The following ADNP variants were observed in gnomAD, a reference collection of about 807,000 sequenced individuals.
The protein encoded by ADNP is activity dependent neuroprotector homeobox, also known as activity-dependent neuroprotector homeobox protein.
Under a neutral mutation model 84.9 loss-of-function variants are expected in ADNP, and 4 were observed. The observed-to-expected ratio is 0.05, with a 90% CI of 0.02 to 0.11. The LOEUF is 0.11. Ranked by LOEUF, ADNP falls within the 10% of genes least tolerant of loss-of-function variation. ADNP has a pLI of 1.00. For synonymous variants in ADNP, 554 were observed against 468.1 expected, an observed-to-expected ratio of 1.18 and a Z score of -2.37; for missense variants, 1,132 against 1,326.0, an observed-to-expected ratio of 0.85 and a Z score of 2.27.
chr20:50,923,118 T>C (rs895753427), intron 2 of ADNP, among the ~76,000 whole-genome samples: 3 of 152,158 alleles, frequency 2.0e-5, no homozygotes, highest in African/African-American at 7.2e-5. Context: ...ATGGGTGTTA[T>C]GAGCCAGGAA....
intron 2 of ADNP, among the ~76,000 whole-genome samples, chr20:50,906,616 C>G (rs1362693264): frequency 6.6e-6 from 1 of 152,156 alleles, no homozygotes; most frequent in Non-Finnish European, 1.5e-5. Context: ...AAGAATCAAG[C>G]GGCAGCTTGG....
At chr20:50,916,479 A>T (rs1268609794) in intron 2 of ADNP, among the ~76,000 whole-genome samples, 2 of 152,182 alleles carry the variant, frequency 1.3e-5, no homozygotes, top group Non-Finnish European at 2.9e-5. Flanking sequence ...AACCAGGATC[A>T]GTTCTTCTCA....
chr20:50,925,897 T>A (rs1326377880), intron 2 of ADNP, among the ~76,000 whole-genome samples: 1 of 152,224 alleles, frequency 6.6e-6, no homozygotes, highest in Non-Finnish European at 1.5e-5. Context: ...GGTCAGCAGT[T>A]CAAGACCAGC....
intron 1 of ADNP, 51 bp from the exon 2 acceptor site, chr20:50,928,876 G>A (rs1365911335): frequency 6.6e-6 from 1 of 152,222 alleles, no homozygotes; most frequent in Admixed American, 6.5e-5. Flanking sequence ...CACACCCTAA[G>A]AAGGTGGGTG....
At chr20:50,927,935 G>A (rs546808527) in intron 2 of ADNP, among the ~76,000 whole-genome samples, 117 of 152,200 alleles carry the variant, frequency 7.7e-4, no homozygotes, top group African/African-American at 2.7e-3. Context: ...TTAAATAACT[G>A]CATATAAAAC....
At chr20:50,921,345 T>C (rs2122975860) in intron 2 of ADNP, among the ~76,000 whole-genome samples, 1 of 152,342 alleles carries the variant, frequency 6.6e-6, no homozygotes, top group Non-Finnish European at 1.5e-5. Context: ...ATACTCAGGT[T>C]TGCATATTCT....
At chr20:50,914,659 C>A (rs542930193) in intron 2 of ADNP, among the ~76,000 whole-genome samples, 51 of 152,006 alleles carry the variant, frequency 3.4e-4, no homozygotes, top group African/African-American at 1.2e-3. Flanking sequence ...TAAGTGATTC[C>A]GTGGCTGTTG....
intron 2 of ADNP, chr20:50,913,893 G>T (rs1983288133): frequency 1.6e-6 from 1 of 621,254 alleles, no homozygotes; most frequent in East Asian, 3.2e-5. Flanking sequence ...ATAAATTATT[G>T]AATTTTTGTT....
intron 2 of ADNP, among the ~76,000 whole-genome samples, chr20:50,906,371 G>T (rs1199873910): frequency 6.6e-6 from 1 of 152,222 alleles, no homozygotes; most frequent in Non-Finnish European, 1.5e-5. Context: ...AGACTGGGAA[G>T]AGACATCTTG....
At chr20:50,895,814 C>T (rs886914960) in intron 5 of ADNP, among the ~76,000 whole-genome samples, 7 of 152,182 alleles carry the variant, frequency 4.6e-5, no homozygotes, top group Non-Finnish European at 8.8e-5. Flanking sequence ...GATTGCAAGC[C>T]GCTGTGCCGA....
chr20:50,929,936 G>T (rs1024839438), intron 1 of ADNP, among the ~76,000 whole-genome samples: 3 of 151,542 alleles, frequency 2.0e-5, no homozygotes, highest in South Asian at 2.1e-4. Context: ...GTGTGTGGGG[G>T]GTGTGTGTGT....
intron 4 of ADNP, among the ~76,000 whole-genome samples, chr20:50,903,246 T>C (rs1055292352): frequency 7.2e-5 from 11 of 152,122 alleles, no homozygotes; most frequent in Admixed American, 2.6e-4. Flanking sequence ...CAGTGAGATG[T>C]TGAAAAGGAG....
intron 2 of ADNP, among the ~76,000 whole-genome samples, chr20:50,911,496 A>ATTTCT (rs1308288073): frequency 1.3e-5 from 2 of 149,770 alleles, no homozygotes; most frequent in Non-Finnish European, 3.0e-5. Flanking sequence ...TAAAACCCAG[A>ATTTCT]TTTCTTTTCT....
chr20:50,895,074 A>G (rs1981238401), intron 5 of ADNP, among the ~76,000 whole-genome samples: 1 of 152,254 alleles, frequency 6.6e-6, no homozygotes, highest in Non-Finnish European at 1.5e-5. Flanking sequence ...CCAAAGACAA[A>G]TGACTTGAAG....
chr20:50,896,194 T>C (rs112889768), intron 5 of ADNP, among the ~76,000 whole-genome samples: 57 of 152,162 alleles, frequency 3.7e-4, no homozygotes, highest in African/African-American at 1.2e-3. Context: ...CACAGCACTC[T>C]AGCCTGGGCA....
intron 2 of ADNP, among the ~76,000 whole-genome samples, chr20:50,921,941 T>C (rs1983980990): frequency 6.6e-6 from 1 of 152,170 alleles, no homozygotes; most frequent in African/African-American, 2.4e-5. Flanking sequence ...AAACAGGTAT[T>C]GCAGCAAGGC....
At chr20:50,926,830 G>GT (rs1351254394) in intron 2 of ADNP, among the ~76,000 whole-genome samples, 2 of 152,132 alleles carry the variant, frequency 1.3e-5, no homozygotes, top group Admixed American at 1.3e-4. Flanking sequence ...ACCCTATGAA[G>GT]TATCAATCTC....
At chr20:50,926,049 G>A (rs989951362) in intron 2 of ADNP, among the ~76,000 whole-genome samples, 6 of 152,202 alleles carry the variant, frequency 3.9e-5, no homozygotes, top group Non-Finnish European at 7.3e-5. Flanking sequence ...GCAGTGAGCC[G>A]ACATTGGGCC....
Position 50,930,841 on chromosome 20 carries a change from AGGCGCGCGCGGGGCC to A in ADNP, c.-295_-281del, listed in dbSNP as rs1231913599. 1 of 145,980 alleles carries A rather than the reference AGGCGCGCGCGGGGCC, an allele frequency of 6.9e-6. No individual in the cohort carries two copies. Among genetic ancestry groups the A allele is most frequent in the East Asian group, 2.0e-4 (1 of 4,926 alleles). 9.0% of individuals were successfully genotyped at this position (145,980 alleles called of 1,614,324 possible). A position where few individuals can be genotyped will look rare whatever the true frequency, so the allele number is the denominator to read the frequency against. On this transcript the variant is annotated 5_prime_UTR_variant, in exon 1 of 6. Coordinates refer to ENST00000621696, the MANE Select transcript of ADNP (RefSeq NM_001282531.3). ...CCGGGCTTACCTTGACTCGGCCTCG[AGGCGCGCGCGGGGCC>A]GGCGTGCTCGGGGGCCGGACAGCGG... is the stretch of plus-strand genomic sequence containing the variant.
Sources: allele counts gnomAD v4.1 joint callset (sites outside exome capture counted in the v4.1 genomes callset), GRCh38; gene constraint gnomAD v4.1.1; transcripts MANE v1.5; gene names NCBI Gene and HGNC (gene_info 2026-07-23, HGNC 2026-07-21).